The following FAM168A variants were observed in gnomAD, a reference collection of about 807,000 sequenced individuals.
FAM168A encodes the protein family with sequence similarity 168 member A.
In FAM168A, 3 loss-of-function variants were observed where a neutral mutation model predicts 28.5. The observed-to-expected ratio is 0.11, with a 90% CI of 0.05 to 0.27. FAM168A has a LOEUF of 0.27. Among genes scored for constraint, FAM168A ranks in the 10% least tolerant of loss-of-function variants. FAM168A has a pLI of 1.00. For synonymous variants in FAM168A, 122 were observed against 124.2 expected (o/e 0.98, Z 0.12); for missense variants, 222 against 311.5 (o/e 0.71, Z 2.16).
At position 73,454,571 on chromosome 11, in the gene FAM168A, C is replaced by A. The variant is rs1867492449; in HGVS notation, c.70+13834G>T. Among the ~76,000 whole-genome samples, 3 of 152,272 alleles carry A rather than the reference C, an allele frequency of 2.0e-5. No individual in the cohort carries two copies. In the South Asian group the frequency reaches 6.2e-4, roughly 32 times the overall value. ...CCCCTGGCGAAACCCCACCCTCAAG[C>A]CAAAAAGCCTGAAACCGCGGCCCAA... On this transcript the variant is annotated intron_variant, in intron 2 of 7. Transcript: ENST00000356467.
chr11:73,594,422 T>G (rs1944419913), intron 1 of FAM168A, among the ~76,000 whole-genome samples: 1 of 151,904 alleles, frequency 6.6e-6, no homozygotes, highest in Non-Finnish European at 1.5e-5. Flanking sequence ...TTTGAGGTTT[T>G]TTTGTGTGTG....
chr11:73,563,677 A>C (rs546752505), intron 1 of FAM168A, among the ~76,000 whole-genome samples: 4 of 152,370 alleles, frequency 2.6e-5, no homozygotes, highest in African/African-American at 9.6e-5. Flanking sequence ...CTATTAACTC[A>C]CAACAACCCT....
chr11:73,445,244 A>G (rs1259945328), intron 2 of FAM168A, among the ~76,000 whole-genome samples: 1 of 150,146 alleles, frequency 6.7e-6, no homozygotes, highest in African/African-American at 2.5e-5. Context: ...GGGCAACAAG[A>G]GTGAAACTCC....
Position 73,526,888 on chromosome 11 carries a change from A to C in FAM168A, c.-18-58396T>G, listed in dbSNP as rs976111733. ...CATCTCAAAAAAAAAAAAAAAAAAA[A>C]AAAAACGGAGAGAAATGAAACAAAC... On this transcript the variant is annotated intron_variant, in intron 1 of 7. Transcript: ENST00000356467. 1.5e-4 allele frequency among the ~76,000 whole-genome samples: 22 copies of C among 151,702 alleles called. No homozygotes were observed. The South Asian group carries it at 2.7e-3, about 19-fold the overall frequency.
At chr11:73,543,766 C>A (rs184366593) in intron 1 of FAM168A, among the ~76,000 whole-genome samples, 88 of 152,188 alleles carry the variant, frequency 5.8e-4, no homozygotes, top group Admixed American at 4.8e-3. Flanking sequence ...ACTAACAAAT[C>A]AGTATTAATA....
intron 1 of FAM168A, among the ~76,000 whole-genome samples, chr11:73,530,710 C>T (rs1221556586): frequency 1.3e-5 from 2 of 152,064 alleles, no homozygotes; most frequent in African/African-American, 2.4e-5. Flanking sequence ...AACCTTTTAC[C>T]TAAACAATTC....
At chr11:73,523,790 A>G (rs1275428110) in intron 1 of FAM168A, among the ~76,000 whole-genome samples, 1 of 151,954 alleles carries the variant, frequency 6.6e-6, no homozygotes, top group Non-Finnish European at 1.5e-5. Flanking sequence ...CAAACTACCA[A>G]GTTTCCTGAG....
intron 1 of FAM168A, among the ~76,000 whole-genome samples, chr11:73,505,497 G>T (rs1855099482): frequency 6.6e-6 from 1 of 151,646 alleles, no homozygotes; most frequent in African/African-American, 2.4e-5. Context: ...ATTTTATTTT[G>T]TTGTTATTAT....
intron 1 of FAM168A, among the ~76,000 whole-genome samples, chr11:73,502,698 A>G (rs1381269538): frequency 1.3e-5 from 2 of 152,220 alleles, no homozygotes; most frequent in Non-Finnish European, 2.9e-5. Flanking sequence ...ACAACAAAAA[A>G]AAGAAAACTT....
intron 1 of FAM168A, among the ~76,000 whole-genome samples, chr11:73,515,234 G>A (rs1240479101): frequency 1.3e-5 from 2 of 152,144 alleles, no homozygotes; most frequent in Non-Finnish European, 2.9e-5. Flanking sequence ...AAACGGCCAG[G>A]CACAGTGGCT....
intron 1 of FAM168A, among the ~76,000 whole-genome samples, chr11:73,507,165 G>A (rs374413336): frequency 1.3e-5 from 2 of 151,972 alleles, no homozygotes; most frequent in Non-Finnish European, 2.9e-5. Flanking sequence ...TTTTCCCCAC[G>A]AACTATATGG....
chr11:73,484,624 A>AGATATCTATATCGATATCTATCTATATC (rs1868023139), intron 1 of FAM168A, among the ~76,000 whole-genome samples: 2 of 145,638 alleles, frequency 1.4e-5, no homozygotes, highest in Admixed American at 6.9e-5. Context: ...ATATCTATAT[A>AGATATCTATATCGATATCTATCTATATC]TAGATATCTA....
rs980275215 is a variant in FAM168A at position 73,405,579 on chromosome 11, C to G, written c.*1184G>C. On this transcript the variant is annotated 3_prime_UTR_variant, in exon 8 of 8. Transcript: ENST00000356467. The stretch of plus-strand genomic sequence containing the variant: ...AATAGGGAAATGGATGAGATGATTG[C>G]TAAGGTCCCTTCAGTTCCATGAGTC... The G allele has an allele frequency of 2.0e-5, 3 of 152,218 alleles. No individual in the cohort carries two copies. Among genetic ancestry groups the G allele is most frequent in the African/African-American group, 7.2e-5 (3 of 41,430 alleles). The allele number at this position is 152,218 out of a possible 1,614,324, so 9.4% of individuals were successfully genotyped here. A position where few individuals can be genotyped will look rare whatever the true frequency, so the allele number is the denominator to read the frequency against.
At position 73,403,863 on chromosome 11, in the gene FAM168A, C is replaced by T. The variant is rs894620126; in HGVS notation, c.*2900G>A. The T allele has an allele frequency of 4.6e-5, 7 of 152,190 alleles. No individual in the cohort carries two copies. Among genetic ancestry groups the T allele is most frequent in the African/African-American group, 1.7e-4 (7 of 41,446 alleles). 9.4% of individuals were successfully genotyped at this position (152,190 alleles called of 1,614,324 possible). ...ACAGCCTTTCAGTGCCTTATTTTCA[C>T]CTTGGGGCCCCCCTTTGCTCTTGAA... On this transcript the variant is annotated 3_prime_UTR_variant, in exon 8 of 8. Coordinates refer to ENST00000356467, the MANE Select transcript of FAM168A (RefSeq NM_015159.3).
chr11:73,440,290 T>G (rs7120131), intron 2 of FAM168A, among the ~76,000 whole-genome samples: 9,458 of 152,198 alleles, frequency 0.062, 872 homozygotes, highest in African/African-American at 0.2. Context: ...TGTAAAATAA[T>G]AAAATTAGAC....
chr11:73,560,367 A>G (rs571597004), intron 1 of FAM168A, among the ~76,000 whole-genome samples: 19 of 152,196 alleles, frequency 1.2e-4, no homozygotes, highest in South Asian at 4.2e-4. Context: ...CCAGTCTCCA[A>G]TGAAGGTACT....
At chr11:73,567,288 T>C (rs1040622976) in intron 1 of FAM168A, among the ~76,000 whole-genome samples, 2 of 152,170 alleles carry the variant, frequency 1.3e-5, no homozygotes, top group Non-Finnish European at 2.9e-5. Context: ...AAAATGGTGA[T>C]GTCATTCACT....
At chr11:73,468,767 C>A (rs896256304) in intron 1 of FAM168A, among the ~76,000 whole-genome samples, 2 of 152,218 alleles carry the variant, frequency 1.3e-5, no homozygotes, top group Non-Finnish European at 2.9e-5. Context: ...GTCCCACTAT[C>A]CCACAGACAG....
At chr11:73,551,066 G>A (rs531324336) in intron 1 of FAM168A, among the ~76,000 whole-genome samples, 5 of 150,522 alleles carry the variant, frequency 3.3e-5, no homozygotes, top group Non-Finnish European at 5.9e-5. Context: ...AGCCGAGATC[G>A]CGCCACTGCA....
Sources: allele counts gnomAD v4.1 joint callset (sites outside exome capture counted in the v4.1 genomes callset), GRCh38; gene constraint gnomAD v4.1.1; transcripts MANE v1.5; gene names NCBI Gene and HGNC (gene_info 2026-07-23, HGNC 2026-07-21).